Variants in AASDH observed in about 807,000 individuals in gnomAD.
The protein encoded by AASDH is aminoadipate-semialdehyde dehydrogenase.
AASDH carries 81 observed loss-of-function variants against 102.3 expected under a neutral mutation model. The ratio of observed to expected loss-of-function variants is 0.79; its 90% CI spans 0.66 to 0.95. The LOEUF (loss-of-function observed/expected upper bound fraction) is 0.95, where lower values mean the gene tolerates loss of function less well. AASDH is among the 40% of genes least tolerant of loss of function. AASDH has a pLI of 0.00. For synonymous variants in AASDH, 398 were observed against 454.0 expected (o/e 0.88, Z 1.57); for missense variants, 1,203 against 1,266.2 (o/e 0.95, Z 0.76).
intron 5 of AASDH, among the ~76,000 whole-genome samples, chr4:56,370,008 T>C (rs1180238756): frequency 6.6e-6 from 1 of 150,864 alleles, no homozygotes; most frequent in Non-Finnish European, 1.5e-5. Context: ...TGCACACAGG[T>C]ATACGAATAT....
chr4:56,384,790 G>A (rs1308870356), intron 1 of AASDH, among the ~76,000 whole-genome samples: 1 of 152,170 alleles, frequency 6.6e-6, no homozygotes, highest in Non-Finnish European at 1.5e-5. Context: ...AATTACTAAT[G>A]TGGCCGGGTG....
At position 56,361,537 on chromosome 4, in the gene AASDH, A is replaced by G. The variant is rs187322212; in HGVS notation, c.862-6114T>C. ...AGTAAATCATTCTAGACATACAAAA[A>G]TGAGACTTAGTAGATAATAGAAAAA... On this transcript the variant is annotated intron_variant, in intron 5 of 14. Transcript: ENST00000205214. 6.3e-4 allele frequency among the ~76,000 whole-genome samples: 96 copies of G among 152,372 alleles called. 1 individual carries two copies. Among genetic ancestry groups the G allele is most frequent in the African/African-American group, 2.3e-3 (96 of 41,588 alleles).
intron 14 of AASDH, among the ~76,000 whole-genome samples, chr4:56,339,824 G>A (rs1465154024): frequency 8.8e-6 from 1 of 113,020 alleles, no homozygotes; most frequent in African/African-American, 3.1e-5. Flanking sequence ...TCCAAATGTA[G>A]GAAAAAAGTT....
chr4:56,351,281 A>G, intron 10 of AASDH, 61 bp downstream of exon 10: 2 of 1,009,658 alleles, frequency 2.0e-6, no homozygotes, highest in Non-Finnish European at 3.0e-6. Flanking sequence ...GGATAATAGC[A>G]GTCCCTAAAG....
At chr4:56,339,131 T>TATC (rs781725598) in intron 14 of AASDH, among the ~76,000 whole-genome samples, 6 of 151,920 alleles carry the variant, frequency 3.9e-5, no homozygotes, top group South Asian at 2.1e-4. Context: ...TTTTCAATAT[T>TATC]ATCTTTTTTT....
chr4:56,381,744 T>C lies in AASDH; in HGVS notation c.351+733A>G, dbSNP rs1578081336. 2.0e-5 allele frequency: 3 copies of C among 149,852 alleles called. No homozygotes were observed. In the South Asian group the frequency reaches 6.3e-4, roughly 31 times the overall value. 9.3% of individuals were successfully genotyped at this position (149,852 alleles called of 1,614,324 possible). ...AATACAAACTGGCTCATATAGAAAA[T>C]GGGCAAAAACAGGCTAAATTGAATA... On this transcript the variant is annotated intron_variant, in intron 3 of 14. Transcript: ENST00000205214.
chr4:56,382,859 C>T (rs1276453461), intron 2 of AASDH, among the ~76,000 whole-genome samples: 2 of 152,128 alleles, frequency 1.3e-5, no homozygotes, highest in African/African-American at 2.4e-5. Context: ...CACCTGAGGT[C>T]GGGAGTTGGA....
Position 56,371,573 on chromosome 4 carries a change from CA to C in AASDH, c.738del (p.Val247TrpfsTer27). On this transcript the variant is annotated frameshift_variant, in exon 5 of 15. Coordinates refer to ENST00000205214, the MANE Select transcript of AASDH (RefSeq NM_181806.4). LOFTEE classifies it high-confidence loss of function. ...LASPLTFDPS[V>X]VEIFLALSSG... ...CTTGATAGAGCAAGAAATATTTCCACAACAGAAGGATCGAAGGTCAGAGGTG... is the reference window on the plus strand; with the variant it reads ...CTTGATAGAGCAAGAAATATTTCCACACAGAAGGATCGAAGGTCAGAGGTG... The C allele has an allele frequency of 6.2e-7, 1 of 1,613,230 alleles. No homozygotes were observed. Among genetic ancestry groups the C allele is most frequent in the South Asian group, 1.1e-5 (1 of 90,786 alleles).
chr4:56,356,919 T>C (rs1749711431), intron 5 of AASDH: 2 of 865,488 alleles, frequency 2.3e-6, no homozygotes, highest in Admixed American at 1.8e-5. Flanking sequence ...AACCTGCCAC[T>C]AAACTGGGTT....
Position 56,354,752 on chromosome 4 carries a change from T to A in AASDH, c.1163A>T (p.Asp388Val). Reference protein sequence around the residue: ...PLLGTVVEVRDTNGFTIQEGS... With the variant: ...PLLGTVVEVRVTNGFTIQEGS... ...TTCCTGAATTGTGAAGCCATTAGTA[T>A]CTCTGACTTCAACTACTGTTCCAAG... The change falls in exon 7 of 15, where the codon GAT (aspartate) becomes GTT (valine). Residue 388 changes from aspartate (D) to valine (V), a missense_variant. By Grantham distance (152) the Asp-to-Val change is radical (BLOSUM62 -3). Transcript: ENST00000205214. The A allele has an allele frequency of 6.2e-7, 1 of 1,611,838 alleles. No individual in the cohort carries two copies. Among genetic ancestry groups the A allele is most frequent in the Non-Finnish European group, 8.5e-7 (1 of 1,179,086 alleles).
Position 56,378,398 on chromosome 4 carries a change from C to G in AASDH, c.418G>C (p.Val140Leu). Residue 140 changes from valine to leucine, a missense_variant, in exon 4 of 15, where the codon GTG (valine) becomes CTG (leucine). By Grantham distance (32) the Val-to-Leu change is conservative. Coordinates refer to ENST00000205214, the MANE Select transcript of AASDH (RefSeq NM_181806.4). ...TTTTTCCAGTGAAGTCTGAAGAGCA[C>G]TAGGTCATTATGTTCCACTGTAAAT... is the stretch of plus-strand genomic sequence containing the variant. ...DTFTVEHNDL[V>L]LFRLHWKNTE... is the part of the protein sequence containing the mutation. 6.2e-7 allele frequency: 1 copy of G among 1,613,580 alleles called. No individual in the cohort carries two copies. The highest frequency in any genetic ancestry group is 8.5e-7 in the Non-Finnish European group (1 of 1,179,774).
intron 14 of AASDH, among the ~76,000 whole-genome samples, chr4:56,339,346 C>G (rs1349342960): frequency 6.6e-6 from 1 of 151,858 alleles, no homozygotes; most frequent in Admixed American, 6.6e-5. Flanking sequence ...GAGGTTTCAC[C>G]ATGTTAGCCA....
chr4:56,343,379 T>C lies in AASDH; in HGVS notation c.2775+183A>G, dbSNP rs570133322. ...ACAAAAAAATACATATATATATATATACAGGAATTTAAATTTTCTTATCTT... is the reference window on the plus strand; with the variant it reads ...ACAAAAAAATACATATATATATATACACAGGAATTTAAATTTTCTTATCTT... On this transcript the variant is annotated intron_variant, in intron 13 of 14. Coordinates refer to ENST00000205214, the MANE Select transcript of AASDH (RefSeq NM_181806.4). Among the ~76,000 whole-genome samples, 20 of 139,002 alleles carry C rather than the reference T, an allele frequency of 1.4e-4. No individual in the cohort carries two copies. The South Asian group carries it at 4.3e-3, about 30-fold the overall frequency. The allele number at this position is 139,002 out of a possible 152,430, so 91.2% of individuals were successfully genotyped here.
intron 9 of AASDH, among the ~76,000 whole-genome samples, chr4:56,352,948 T>C (rs1017385270): frequency 8.5e-5 from 13 of 152,212 alleles, no homozygotes; most frequent in Non-Finnish European, 1.9e-4. Flanking sequence ...TGGAGAACCA[T>C]GACTACTATA....
At chr4:56,339,397 G>A (rs560429245) in intron 14 of AASDH, among the ~76,000 whole-genome samples, 49 of 151,836 alleles carry the variant, frequency 3.2e-4, no homozygotes, top group Admixed American at 9.2e-4. Context: ...CGCCCACCTC[G>A]GCCTCCCAAA....
Position 56,338,349 on chromosome 4 carries a change from T to TAAA in AASDH, c.*50_*52dup. 6.4e-7 allele frequency: 1 copy of TAAA among 1,561,814 alleles called. No homozygotes were observed. The highest frequency in any genetic ancestry group is 8.7e-7 in the Non-Finnish European group (1 of 1,150,230). On this transcript the variant is annotated 3_prime_UTR_variant, in exon 15 of 15. Coordinates refer to ENST00000205214, the MANE Select transcript of AASDH (RefSeq NM_181806.4). ...AATAAGTCCACATGATGTATAATGG[T>TAAA]AAAATATTTTCAAATATCTCACATT...
At chr4:56,371,401 T>A in intron 5 of AASDH, 50 bp downstream of exon 5, 1 of 1,518,652 alleles carries the variant, frequency 6.6e-7, no homozygotes, top group Non-Finnish European at 8.9e-7. Context: ...CTAAAACACT[T>A]AAAATATTGA....
At chr4:56,374,388 A>AAAGGACATTTGAGATTCAAC (rs1752115978) in intron 4 of AASDH, among the ~76,000 whole-genome samples, 10 of 151,360 alleles carry the variant, frequency 6.6e-5, no homozygotes, top group South Asian at 2.1e-4. Context: ...AAAAAAAAAA[A>AAAGGACATTTGAGATTCAAC]AAGGACATTT....
At chr4:56,354,632 G>A (rs1415178918) in intron 7 of AASDH, 73 bp downstream of exon 7, 6 of 1,102,544 alleles carry the variant, frequency 5.4e-6, no homozygotes, top group South Asian at 1.5e-5. Flanking sequence ...AGAAAAAGAC[G>A]AAAGGAATAA....
Sources: gnomAD v4.1 joint callset for allele counts (sites outside exome capture counted in the v4.1 genomes callset) on GRCh38, gnomAD v4.1.1 for gene constraint, MANE v1.5 for transcripts, NCBI Gene and HGNC (gene_info 2026-07-23, HGNC 2026-07-21) for gene names.